The following PPP6R3 variants were observed in gnomAD, a reference collection of about 807,000 sequenced individuals.
PPP6R3 encodes the protein serine/threonine-protein phosphatase 6 regulatory subunit 3.
In PPP6R3, 38 loss-of-function variants were observed where a neutral mutation model predicts 110.7. The ratio of observed to expected loss-of-function variants is 0.34; its 90% CI spans 0.26 to 0.45. PPP6R3 has a LOEUF of 0.45. Among genes scored for constraint, PPP6R3 ranks in the 20% least tolerant of loss-of-function variants. The pLI is 1.00. For synonymous variants in PPP6R3, 369 were observed against 373.5 expected, an observed-to-expected ratio of 0.99 and a Z score of 0.14; for missense variants, 870 against 1,062.4, an observed-to-expected ratio of 0.82 and a Z score of 2.52.
chr11:68,585,840 T>C (rs1368691510), intron 15 of PPP6R3, among the ~76,000 whole-genome samples: 1 of 152,248 alleles, frequency 6.6e-6, no homozygotes, highest in Non-Finnish European at 1.5e-5. Context: ...TATGTACATG[T>C]ATGTATGTAT....
Position 68,614,661 on chromosome 11 carries a change from A to T in PPP6R3, c.*1544A>T. 6.6e-7 allele frequency: 1 copy of T among 1,520,072 alleles called. No homozygotes were observed. The highest frequency in any genetic ancestry group is 2.4e-5 in the East Asian group (1 of 40,830). 94.2% of individuals were successfully genotyped at this position (1,520,072 alleles called of 1,614,324 possible). A position where few individuals can be genotyped will look rare whatever the true frequency, so the allele number is the denominator to read the frequency against. On this transcript the variant is annotated 3_prime_UTR_variant, in exon 24 of 24. Coordinates refer to ENST00000393800, the MANE Select transcript of PPP6R3 (RefSeq NM_001164161.2). ...GTGGAGATTCCAGCACTCCCAGGAC[A>T]GTGGAGTCAGCAGTAAGCCCTGGGA...
chr11:68,500,798 T>C (rs1306846061), intron 1 of PPP6R3, among the ~76,000 whole-genome samples: 1 of 152,174 alleles, frequency 6.6e-6, no homozygotes, highest in African/African-American at 2.4e-5. Context: ...CTGAAAATGG[T>C]GCTGTTTCTT....
At chr11:68,499,721 C>T (rs915137041) in intron 1 of PPP6R3, among the ~76,000 whole-genome samples, 1 of 151,990 alleles carries the variant, frequency 6.6e-6, no homozygotes, top group Non-Finnish European at 1.5e-5. Flanking sequence ...CACAGTTGCG[C>T]GCACCACCAC....
intron 9 of PPP6R3, 72 bp from the exon 10 acceptor site, chr11:68,566,942 C>A: frequency 7.3e-7 from 1 of 1,367,932 alleles, no homozygotes; most frequent in Non-Finnish European, 9.9e-7. Flanking sequence ...AAACTAGTGT[C>A]ATGTCTTAGC....
At chr11:68,590,628 G>T in intron 16 of PPP6R3, 32 bp from the exon 17 acceptor site, 2 of 1,526,776 alleles carry the variant, frequency 1.3e-6, no homozygotes, top group South Asian at 1.3e-5. Flanking sequence ...AGTAATTAAT[G>T]CTTCCTACAC....
intron 5 of PPP6R3, among the ~76,000 whole-genome samples, chr11:68,550,805 C>T (rs1484569379): frequency 6.6e-6 from 1 of 152,192 alleles, no homozygotes; most frequent in Admixed American, 6.5e-5. Flanking sequence ...GCCCTCTCTT[C>T]TTAAGAACTA....
chr11:68,500,438 G>A (rs917521763), intron 1 of PPP6R3, among the ~76,000 whole-genome samples: 2 of 152,156 alleles, frequency 1.3e-5, no homozygotes, highest in Non-Finnish European at 2.9e-5. Context: ...TCTTGAGGAA[G>A]TTTCTCTTGG....
chr11:68,507,545 G>A (rs1283114816), intron 1 of PPP6R3, among the ~76,000 whole-genome samples: 3 of 152,120 alleles, frequency 2.0e-5, no homozygotes, highest in South Asian at 2.1e-4. Flanking sequence ...GGCATTGAAG[G>A]TAAAAATGGT....
intron 2 of PPP6R3, among the ~76,000 whole-genome samples, chr11:68,533,712 A>AC (rs2099254047): frequency 6.6e-6 from 1 of 150,736 alleles, no homozygotes; most frequent in African/African-American, 2.4e-5. Flanking sequence ...CTCAAAAAAA[A>AC]AAAAAAAAAA....
Position 68,614,005 on chromosome 11 carries a change from T to A in PPP6R3, c.*888T>A. The A allele has an allele frequency of 1.0e-6, 1 of 985,404 alleles. No homozygotes were observed. Among genetic ancestry groups the A allele is most frequent in the South Asian group, 4.7e-5 (1 of 21,256 alleles). 61.0% of individuals were successfully genotyped at this position (985,404 alleles called of 1,614,324 possible). On this transcript the variant is annotated 3_prime_UTR_variant, in exon 24 of 24. Transcript: ENST00000393800. Reference sequence around the variant, plus strand: ...CCAAAATTTACCTTGTTAACAAGCATCACCAATGAACATTTCAGAGCAATC... The same window carrying A: ...CCAAAATTTACCTTGTTAACAAGCAACACCAATGAACATTTCAGAGCAATC...
intron 14 of PPP6R3, among the ~76,000 whole-genome samples, chr11:68,579,846 G>C (rs905308919): frequency 6.6e-6 from 1 of 152,156 alleles, no homozygotes. Context: ...CTGTGCAGGT[G>C]TGTAGCCTAG....
At chr11:68,492,974 G>T (rs1396763036) in intron 1 of PPP6R3, among the ~76,000 whole-genome samples, 4 of 152,062 alleles carry the variant, frequency 2.6e-5, no homozygotes, top group Admixed American at 2.6e-4. Flanking sequence ...TTGTTCTCCA[G>T]CCTTTCTTAT....
At chr11:68,567,436 G>A (rs549444138) in intron 10 of PPP6R3, among the ~76,000 whole-genome samples, 8 of 152,282 alleles carry the variant, frequency 5.3e-5, no homozygotes, top group South Asian at 2.1e-4. Flanking sequence ...CTCGTGCTCC[G>A]TCTCGTGGAC....
At chr11:68,585,431 G>A (rs994484891) in intron 15 of PPP6R3, among the ~76,000 whole-genome samples, 1 of 152,180 alleles carries the variant, frequency 6.6e-6, no homozygotes, top group Non-Finnish European at 1.5e-5. Context: ...TAAAGTGGTT[G>A]GCTCACTTCT....
intron 1 of PPP6R3, among the ~76,000 whole-genome samples, chr11:68,472,249 A>G (rs1434346672): frequency 6.6e-6 from 1 of 152,194 alleles, no homozygotes; most frequent in Non-Finnish European, 1.5e-5. Context: ...AGGCGTGCAG[A>G]CGGAGAGGTT....
intron 14 of PPP6R3, among the ~76,000 whole-genome samples, chr11:68,577,801 G>C (rs915588314): frequency 6.6e-6 from 1 of 152,198 alleles, no homozygotes; most frequent in Non-Finnish European, 1.5e-5. Flanking sequence ...CTGTCACTCA[G>C]ATTGCGTCTC....
chr11:68,608,806 TTA>T (rs925181781), intron 22 of PPP6R3, among the ~76,000 whole-genome samples: 3 of 152,186 alleles, frequency 2.0e-5, no homozygotes, highest in Non-Finnish European at 2.9e-5. Context: ...ACACATTGTG[TTA>T]TGACTATTTT....
intron 12 of PPP6R3, among the ~76,000 whole-genome samples, chr11:68,573,114 T>TTATATATTTA (rs2099514589): frequency 1.6e-5 from 1 of 61,796 alleles, no homozygotes; most frequent in Non-Finnish European, 2.7e-5. Flanking sequence ...TTTACTTATT[T>TTATATATTTA]TATATATATA....
intron 18 of PPP6R3, among the ~76,000 whole-genome samples, chr11:68,594,872 A>G (rs889670880): frequency 3.9e-5 from 6 of 152,256 alleles, no homozygotes; most frequent in Non-Finnish European, 4.4e-5. Flanking sequence ...AAGGTAGGGC[A>G]TAGATCAGTG....
Sources: gnomAD v4.1 joint callset for allele counts (sites outside exome capture counted in the v4.1 genomes callset) on GRCh38, gnomAD v4.1.1 for gene constraint, MANE v1.5 for transcripts, NCBI Gene and HGNC (gene_info 2026-07-23, HGNC 2026-07-21) for gene names.